Variants in CACNA1E observed in about 807,000 individuals in gnomAD.
The protein encoded by CACNA1E is calcium voltage-gated channel subunit alpha1 E.
In CACNA1E, 40 loss-of-function variants were observed where a neutral mutation model predicts 259.2. The ratio of observed to expected loss-of-function variants is 0.15; its 90% CI spans 0.12 to 0.20. CACNA1E has a LOEUF of 0.20. CACNA1E is among the 10% of genes least tolerant of loss of function. CACNA1E has a pLI of 1.00. For synonymous variants in CACNA1E, 1,104 were observed against 1,138.5 expected (o/e 0.97, Z 0.61); for missense variants, 1,874 against 3,040.1 (o/e 0.62, Z 9.02).
At chr1:181,782,987 C>A (rs559746829) in intron 39 of CACNA1E, among the ~76,000 whole-genome samples, 10 of 152,270 alleles carry the variant, frequency 6.6e-5, no homozygotes, top group African/African-American at 2.4e-4. Context: ...ACAAGGCCTG[C>A]CCACTCTGCT....
At chr1:181,343,812 C>T (rs1053666249) in intron 1 of CACNA1E, among the ~76,000 whole-genome samples, 1 of 152,126 alleles carries the variant, frequency 6.6e-6, no homozygotes, top group African/African-American at 2.4e-5. Context: ...GCCCTGTCTC[C>T]TCTCAGAATC....
At position 181,720,145 on chromosome 1, in the gene CACNA1E, G is replaced by A. The variant is rs1367415841; in HGVS notation, c.1752-61G>A. 3 of 1,599,118 alleles carry A rather than the reference G, an allele frequency of 1.9e-6. No homozygotes were observed. The Admixed American group carries it at 5.0e-5, about 27-fold the overall frequency. ...TAGACTACCAGGCATATGCTGAGCT[G>A]GGCTTGGTGGGTGACTTGGTATGCA... On this transcript the variant is annotated intron_variant, in intron 13 of 47. Coordinates refer to ENST00000367573, the MANE Select transcript of CACNA1E (RefSeq NM_001205293.3).
chr1:181,521,241 G>A (rs1666975013), intron 3 of CACNA1E, among the ~76,000 whole-genome samples: 1 of 152,178 alleles, frequency 6.6e-6, no homozygotes, highest in Admixed American at 6.5e-5. Flanking sequence ...ACATCACTGT[G>A]GGGGTCCCTG....
chr1:181,796,950 A>C, intron 47 of CACNA1E, 92 bp downstream of exon 47: 1 of 877,152 alleles, frequency 1.1e-6, no homozygotes, highest in East Asian at 2.7e-5. Flanking sequence ...TCGCAAACGC[A>C]TTCAAGTACC....
chr1:181,494,011 G>A (rs1026119764), intron 1 of CACNA1E, among the ~76,000 whole-genome samples: 1 of 152,182 alleles, frequency 6.6e-6, no homozygotes, highest in Non-Finnish European at 1.5e-5. Context: ...CCAGGCCTCC[G>A]TGCCTTTGCA....
chr1:181,647,757 C>T (rs924877671), intron 6 of CACNA1E, among the ~76,000 whole-genome samples: 2 of 152,198 alleles, frequency 1.3e-5, no homozygotes, highest in African/African-American at 4.8e-5. Flanking sequence ...GGGAAGCATG[C>T]ATTCCTTTGC....
chr1:181,473,532 T>C (rs1349506357), intron 2 of CACNA1E, among the ~76,000 whole-genome samples: 1 of 152,004 alleles, frequency 6.6e-6, no homozygotes, highest in Non-Finnish European at 1.5e-5. Context: ...GGTTTATCAG[T>C]AGCCCCATGC....
rs111831027 is a variant in CACNA1E at position 181,557,120 on chromosome 1, G to A, written c.513-20646G>A. Among the ~76,000 whole-genome samples the A allele has an allele frequency of 5.7e-3, 862 of 152,186 alleles. 9 individuals are homozygous for A. Among genetic ancestry groups the A allele is most frequent in the African/African-American group, 0.019 (801 of 41,504 alleles). ...TGGGGAGCATGTTGGGGAGTGTGTG[G>A]GATCAACATTCCCACCACCTTCCTC... On this transcript the variant is annotated intron_variant, in intron 3 of 47. Transcript: ENST00000367573.
intron 1 of CACNA1E, among the ~76,000 whole-genome samples, chr1:181,508,966 C>T (rs1482334313): frequency 5.3e-5 from 8 of 151,980 alleles, no homozygotes; most frequent in South Asian, 2.1e-4. Context: ...AGCAGAGGCC[C>T]GTGGAATGGT....
At chr1:181,608,197 T>G (rs1654410557) in intron 6 of CACNA1E, among the ~76,000 whole-genome samples, 1 of 150,540 alleles carries the variant, frequency 6.6e-6, no homozygotes, top group Non-Finnish European at 1.5e-5. Flanking sequence ...CAGAGAAGGG[T>G]GGAAAGTAGG....
At chr1:181,727,827 G>A (rs1234856942) in intron 18 of CACNA1E, among the ~76,000 whole-genome samples, 2 of 152,200 alleles carry the variant, frequency 1.3e-5, no homozygotes, top group African/African-American at 4.8e-5. Context: ...CTTGAAGCTA[G>A]TAAGGGAAGA....
At chr1:181,617,123 C>A (rs528892396) in intron 6 of CACNA1E, among the ~76,000 whole-genome samples, 1 of 152,102 alleles carries the variant, frequency 6.6e-6, no homozygotes, top group Non-Finnish European at 1.5e-5. Context: ...TCTCAAAGAA[C>A]CAATTTTTGG....
At chr1:181,540,226 C>T (rs6684403) in intron 3 of CACNA1E, among the ~76,000 whole-genome samples, 35,745 of 152,040 alleles carry the variant, frequency 0.24, 4,700 homozygotes, top group African/African-American at 0.34. Flanking sequence ...CAGAGGGCTT[C>T]GAGTAGGTGC....
intron 1 of CACNA1E, among the ~76,000 whole-genome samples, chr1:181,387,129 C>T (rs1038526809): frequency 2.0e-5 from 3 of 152,072 alleles, no homozygotes; most frequent in African/African-American, 7.2e-5. Context: ...GAAGCCAAGC[C>T]GTGTGACCTC....
At chr1:181,388,109 G>C (rs770025179) in intron 1 of CACNA1E, among the ~76,000 whole-genome samples, 1 of 152,338 alleles carries the variant, frequency 6.6e-6, no homozygotes, top group East Asian at 1.9e-4. Flanking sequence ...TCTCCCCGGA[G>C]AGTGGAGCAC....
At chr1:181,342,162 G>A (rs1251063428) in intron 1 of CACNA1E, among the ~76,000 whole-genome samples, 2 of 152,270 alleles carry the variant, frequency 1.3e-5, no homozygotes, top group East Asian at 3.9e-4. Context: ...GGAAGGGCAG[G>A]TACAAAGGCC....
At chr1:181,546,998 C>G (rs983372950) in intron 3 of CACNA1E, among the ~76,000 whole-genome samples, 8 of 152,210 alleles carry the variant, frequency 5.3e-5, no homozygotes, top group African/African-American at 1.9e-4. Flanking sequence ...TACCTGATAA[C>G]TTAGATGATT....
chr1:181,762,200 A>G (rs1399724560), intron 32 of CACNA1E, among the ~76,000 whole-genome samples: 2 of 152,254 alleles, frequency 1.3e-5, no homozygotes, highest in Non-Finnish European at 2.9e-5. Flanking sequence ...ATCAAGATAT[A>G]GCCATTAAAT....
At chr1:181,333,708 T>G (rs367655353) in intron 1 of CACNA1E, among the ~76,000 whole-genome samples, 2 of 152,040 alleles carry the variant, frequency 1.3e-5, no homozygotes, top group Non-Finnish European at 1.5e-5. Context: ...CAGGTTGGAG[T>G]GCAATGGCAC....
Sources: gnomAD v4.1 joint callset for allele counts (sites outside exome capture counted in the v4.1 genomes callset) on GRCh38, gnomAD v4.1.1 for gene constraint, MANE v1.5 for transcripts, NCBI Gene and HGNC (gene_info 2026-07-23, HGNC 2026-07-21) for gene names.